Variants in WEE2 observed in about 807,000 individuals in gnomAD.
WEE2 encodes WEE2 oocyte meiosis inhibiting kinase.
Under a neutral mutation model 60.1 loss-of-function variants are expected in WEE2, and 50 were observed. The ratio of observed to expected loss-of-function variants is 0.83; its 90% CI spans 0.66 to 1.05. The LOEUF (loss-of-function observed/expected upper bound fraction) is 1.05, where lower values mean the gene tolerates loss of function less well. WEE2 is among the 50% of genes least tolerant of loss of function. The pLI is 0.00. For synonymous variants in WEE2, 240 were observed against 241.0 expected (o/e 1.00, Z 0.04); for missense variants, 631 against 684.3 (o/e 0.92, Z 0.87).
chr7:141,713,893 T>C (rs1798748128), intron 1 of WEE2, among the ~76,000 whole-genome samples: 1 of 152,318 alleles, frequency 6.6e-6, no homozygotes, highest in African/African-American at 2.4e-5. Flanking sequence ...AATGTCCATG[T>C]CTTTAAAAAC....
intron 11 of WEE2, 36 bp from the exon 12 acceptor site, chr7:141,730,259 A>G: frequency 8.7e-6 from 14 of 1,608,176 alleles, no homozygotes; most frequent in Non-Finnish European, 1.2e-5. Context: ...GCCACTGATC[A>G]ATAACTTATT....
chr7:141,720,988 A>C lies in WEE2; in HGVS notation c.812A>C (p.His271Pro). Residue 271 changes from histidine (H) to proline (P), a missense_variant, in exon 5 of 12, where the codon CAT (histidine) becomes CCT (proline). Coordinates refer to ENST00000397541, the MANE Select transcript of WEE2 (RefSeq NM_001105558.1). ...CACGCAGTGCTTGGGCATCACCCCC[A>C]TGTGGTACGTTACTATTCCTCATGG... Reference protein sequence around the residue: ...YAHAVLGHHPHVVRYYSSWAE... With the variant: ...YAHAVLGHHPPVVRYYSSWAE... The C allele has an allele frequency of 6.2e-7, 1 of 1,614,174 alleles. No homozygotes were observed.
chr7:141,716,072 G>C (rs1483478675), intron 2 of WEE2, 150 bp from the exon 3 acceptor site: 3 of 613,464 alleles, frequency 4.9e-6, no homozygotes, highest in Middle Eastern at 4.3e-4. Flanking sequence ...CTAGGTTCTT[G>C]TATTGAAATT....
In WEE2 at chr7:141,718,072, A is replaced by C. The variant is rs553803442; in HGVS notation, c.586-1000A>C. 2.6e-5 allele frequency among the ~76,000 whole-genome samples: 4 copies of C among 152,334 alleles called. No homozygotes were observed. The East Asian group carries it at 7.7e-4, about 29-fold the overall frequency. On this transcript the variant is annotated intron_variant, in intron 3 of 11. Coordinates refer to ENST00000397541, the MANE Select transcript of WEE2 (RefSeq NM_001105558.1). ...TAGCCAATCCAGACAAGAAGGGAAC[A>C]GAGCTTGAGACTGGCTAAGGGTAAT...
At position 141,709,088 on chromosome 7, in the gene WEE2, C is replaced by T; in HGVS notation, c.330C>T (p.Pro110=). The change falls in exon 1 of 12, where the codon CCC becomes CCT. Residue 110 remains proline (P), a synonymous_variant. Coordinates refer to ENST00000397541, the MANE Select transcript of WEE2 (RefSeq NM_001105558.1). ...SRSKLLPSDS[P]STPKTMLSRL... ...GCAAGCTGCTGCCCAGTGACAGCCC[C>T]TCTACTCCCAAAGTAAGTAAGGGGT... 3 of 1,612,752 alleles carry T rather than the reference C, an allele frequency of 1.9e-6. No individual in the cohort carries two copies. Among genetic ancestry groups the T allele is most frequent in the Non-Finnish European group, 2.5e-6 (3 of 1,178,996 alleles).
intron 4 of WEE2, 128 bp from the exon 5 acceptor site, chr7:141,720,807 G>A: frequency 1.0e-6 from 1 of 1,000,926 alleles, no homozygotes; most frequent in Non-Finnish European, 1.5e-6. Context: ...AGATAAAATA[G>A]TAAGCAAGCA....
rs750492987 is a variant in WEE2, at chr7:141,724,209, A to G, written c.1155A>G (p.Thr385=). The change falls in exon 8 of 12, where the codon ACA becomes ACG. Residue 385 remains threonine (T), a synonymous_variant. Coordinates refer to ENST00000397541, the MANE Select transcript of WEE2 (RefSeq NM_001105558.1). The part of the protein sequence containing the change: ...MYKIGDLGHA[T]SINKPKVEEG... Reference sequence around the variant, plus strand: ...TTTTAGGTGACCTGGGCCACGCAACATCAATAAACAAACCCAAAGTGGAAG... The same window carrying G: ...TTTTAGGTGACCTGGGCCACGCAACGTCAATAAACAAACCCAAAGTGGAAG... The G allele has an allele frequency of 3.1e-6, 5 of 1,613,344 alleles. No homozygotes were observed. In the South Asian group the frequency reaches 3.3e-5, roughly 11 times the overall value.
intron 6 of WEE2, 177 bp from the exon 7 acceptor site, chr7:141,723,764 C>T (rs1489765750): frequency 3.8e-6 from 2 of 525,246 alleles, no homozygotes; most frequent in Non-Finnish European, 3.3e-6. Flanking sequence ...TAGGTATTAT[C>T]AATCACTAGC....
intron 4 of WEE2, among the ~76,000 whole-genome samples, chr7:141,720,043 CATATTTTCAG>C (rs1477874147): frequency 6.7e-6 from 1 of 149,030 alleles, no homozygotes; most frequent in East Asian, 2.1e-4. Flanking sequence ...AAGGAAAACA[CATATTTTCAG>C]ATCAGCCAAG....
chr7:141,720,431 T>C (rs1403851518), intron 4 of WEE2, among the ~76,000 whole-genome samples: 2 of 152,234 alleles, frequency 1.3e-5, no homozygotes, highest in Non-Finnish European at 2.9e-5. Context: ...CCTGTGAGTA[T>C]ATCATATTGG....
chr7:141,713,305 T>C (rs1798738188), intron 1 of WEE2, among the ~76,000 whole-genome samples: 1 of 152,166 alleles, frequency 6.6e-6, no homozygotes, highest in African/African-American at 2.4e-5. Context: ...AGTGCAATGC[T>C]TATACTGTGG....
chr7:141,725,690 G>A (rs949357551), intron 9 of WEE2, among the ~76,000 whole-genome samples: 8 of 151,204 alleles, frequency 5.3e-5, no homozygotes, highest in South Asian at 2.1e-4. Context: ...AAGGAAACTC[G>A]GAGGATATTG....
rs755574289 is a variant in WEE2 at position 141,716,215 on chromosome 7, T to C, written c.540-7T>C. On this transcript the variant is annotated splice_polypyrimidine_tract_variant and splice_region_variant and intron_variant, in intron 2 of 11. Coordinates refer to ENST00000397541, the MANE Select transcript of WEE2 (RefSeq NM_001105558.1). ...TATATTGATAAACTTTTTTTTTCTT[T>C]TTTAAGTGAGGAAGCTGGTCCAGAG... 11 of 1,610,850 alleles carry C rather than the reference T, an allele frequency of 6.8e-6. No homozygotes were observed. Among genetic ancestry groups the C allele is most frequent in the Non-Finnish European group, 9.3e-6 (11 of 1,178,930 alleles).
At chr7:141,721,077 T>A in intron 5 of WEE2, 21 bp downstream of exon 5, 1 of 1,613,278 alleles carries the variant, frequency 6.2e-7, no homozygotes, top group Non-Finnish European at 8.5e-7. Context: ...TATAGATGAA[T>A]AACTACGAAG....
chr7:141,716,635 T>A (rs1413640404), intron 3 of WEE2, among the ~76,000 whole-genome samples: 2 of 152,102 alleles, frequency 1.3e-5, no homozygotes, highest in African/African-American at 2.4e-5. Flanking sequence ...TAGTTGTAAC[T>A]CTGCCAGGCA....
At chr7:141,727,822 T>C (rs1223427975) in intron 10 of WEE2, 2 of 186,862 alleles carry the variant, frequency 1.1e-5, no homozygotes, top group African/African-American at 4.7e-5. Flanking sequence ...TAGAAACCCA[T>C]AAATTTCAGG....
intron 8 of WEE2, 115 bp downstream of exon 8, chr7:141,724,390 T>A: frequency 1.1e-6 from 1 of 919,254 alleles, no homozygotes; most frequent in South Asian, 1.8e-5. Context: ...GTACCGCTCT[T>A]CCCATTCAGA....
Position 141,714,395 on chromosome 7 carries a change from A to C in WEE2, c.529A>C (p.Arg177=). The C allele has an allele frequency of 6.2e-7, 1 of 1,610,464 alleles. No individual in the cohort carries two copies. Among genetic ancestry groups the C allele is most frequent in the Non-Finnish European group, 8.5e-7 (1 of 1,178,594 alleles). ...TCAATCTGGTGGCAAGAGGAAAATAAGAGGAGATCTGTAAGTGCTCTATTA... is the reference window on the plus strand; with the variant it reads ...TCAATCTGGTGGCAAGAGGAAAATACGAGGAGATCTGTAAGTGCTCTATTA... The part of the protein sequence containing the change: ...FLQSGGKRKI[R]GDLEEAGPEE... Residue 177 remains arginine, a synonymous_variant, in exon 2 of 12, where the codon AGA becomes CGA. Transcript: ENST00000397541.
At chr7:141,718,842 G>T (rs1031374898) in intron 3 of WEE2, among the ~76,000 whole-genome samples, 1 of 152,078 alleles carries the variant, frequency 6.6e-6, no homozygotes, top group Non-Finnish European at 1.5e-5. Context: ...AAAAATAAGT[G>T]AGAATTGTCA....
Sources: gnomAD v4.1 joint callset for allele counts (sites outside exome capture counted in the v4.1 genomes callset) on GRCh38, gnomAD v4.1.1 for gene constraint, MANE v1.5 for transcripts, NCBI Gene and HGNC (gene_info 2026-07-23, HGNC 2026-07-21) for gene names.